The following FUT8 variants were observed in gnomAD, a reference collection of about 807,000 sequenced individuals.
FUT8 encodes the protein fucosyltransferase 8.
FUT8 carries 29 observed loss-of-function variants against 71.3 expected under a neutral mutation model. The ratio of observed to expected loss-of-function variants is 0.41; its 90% CI spans 0.30 to 0.55. The LOEUF is 0.55. Among genes scored for constraint, FUT8 ranks in the 20% least tolerant of loss-of-function variants. The pLI, the probability that FUT8 is intolerant of heterozygous loss-of-function variation, is 0.34. For synonymous variants in FUT8, 254 were observed against 239.3 expected (o/e 1.06, Z -0.57); for missense variants, 544 against 702.1 (o/e 0.77, Z 2.55).
the FUT8 span, among the ~76,000 whole-genome samples, chr14:65,397,504 G>T: frequency 3.3e-5 from 5 of 152,256 alleles, no homozygotes; most frequent in African/African-American, 7.2e-5. The surrounding 1 kb of genome is among the most constrained non-coding windows in gnomAD (Gnocchi z 4.2). Flanking sequence ...CCCCATGTCA[G>T]TGTGGGTTTT....
chr14:65,565,266 C>T (rs1886129350), intron 3 of FUT8, among the ~76,000 whole-genome samples: 1 of 151,970 alleles, frequency 6.6e-6, no homozygotes. Flanking sequence ...GATCTAGCTC[C>T]ATAACCCAAA....
intron 6 of FUT8, among the ~76,000 whole-genome samples, chr14:65,658,224 T>A (rs1437675652): frequency 1.3e-5 from 2 of 152,076 alleles, no homozygotes; most frequent in African/African-American, 4.8e-5. Context: ...AAAAAATCAT[T>A]AGTTATTAGG....
the FUT8 span, among the ~76,000 whole-genome samples, chr14:65,365,824 A>G: frequency 4.0e-5 from 6 of 151,844 alleles, no homozygotes; most frequent in African/African-American, 2.4e-5. Flanking sequence ...TAGCATTCTT[A>G]TATTCCTTTA....
intron 5 of FUT8, among the ~76,000 whole-genome samples, chr14:65,621,720 C>G (rs1263683365): frequency 2.0e-5 from 3 of 152,126 alleles, no homozygotes; most frequent in Non-Finnish European, 4.4e-5. Context: ...TGCCACTACA[C>G]CCAGCTAATT....
At chr14:65,471,380 A>G (rs527753030) in intron 2 of FUT8, among the ~76,000 whole-genome samples, 1 of 152,168 alleles carries the variant, frequency 6.6e-6, no homozygotes, top group East Asian at 1.9e-4. Context: ...TTTAAGAGAA[A>G]TAAAGTTCCT....
intron 7 of FUT8, among the ~76,000 whole-genome samples, chr14:65,705,089 T>G (rs528209334): frequency 6.6e-6 from 1 of 152,208 alleles, no homozygotes; most frequent in East Asian, 1.9e-4. Flanking sequence ...TTAGAACTTT[T>G]TATTCAATTG....
At chr14:65,432,514 G>C (rs774334306) in intron 1 of FUT8, among the ~76,000 whole-genome samples, 12 of 151,572 alleles carry the variant, frequency 7.9e-5, no homozygotes, top group Non-Finnish European at 5.9e-5. Flanking sequence ...CTGTGAACCA[G>C]AGCAATTGCA....
At chr14:65,631,428 AT>A (rs1293090764) in intron 6 of FUT8, among the ~76,000 whole-genome samples, 3 of 151,852 alleles carry the variant, frequency 2.0e-5, no homozygotes, top group African/African-American at 7.3e-5. Flanking sequence ...TGTAGTACTA[AT>A]TTGATCCTCT....
chr14:65,712,683 G>C (rs1894865249), intron 7 of FUT8, among the ~76,000 whole-genome samples: 1 of 152,214 alleles, frequency 6.6e-6, no homozygotes, highest in South Asian at 2.1e-4. Flanking sequence ...GACCTCAGGT[G>C]ATCCTCCTGC....
At chr14:65,553,378 C>G (rs1010009959) in intron 2 of FUT8, among the ~76,000 whole-genome samples, 28 of 152,000 alleles carry the variant, frequency 1.8e-4, no homozygotes, top group African/African-American at 6.3e-4. Flanking sequence ...TGTTTTACAT[C>G]TACATATATT....
chr14:65,486,412 A>T (rs1435768603), intron 2 of FUT8, among the ~76,000 whole-genome samples: 3 of 152,240 alleles, frequency 2.0e-5, no homozygotes, highest in African/African-American at 7.2e-5. Flanking sequence ...TTAACTGTAA[A>T]GCTTGGCATT....
chr14:65,607,504 C>G lies in FUT8; in HGVS notation c.204-8474C>G, dbSNP rs1044913281. The stretch of plus-strand genomic sequence containing the variant: ...TAATCAATTTAAATTAATAGTTTTT[C>G]TAATCGTAAACCAATGTAGTATTCT... On this transcript the variant is annotated intron_variant, in intron 3 of 10. Coordinates refer to ENST00000673929, the MANE Select transcript of FUT8 (RefSeq NM_001371533.1). The surrounding 1 kb of genome is among the most constrained non-coding windows in gnomAD (Gnocchi z 4.1). Among the ~76,000 whole-genome samples, 1 of 151,508 alleles carries G rather than the reference C, an allele frequency of 6.6e-6. No individual in the cohort carries two copies. The highest frequency in any genetic ancestry group is 1.5e-5 in the Non-Finnish European group (1 of 67,808).
In FUT8 at chr14:65,669,287, C is replaced by T; in HGVS notation, c.642C>T (p.Ile214=). The change falls in exon 7 of 11, where the codon ATC becomes ATT. Residue 214 remains isoleucine, a synonymous_variant. Coordinates refer to ENST00000673929, the MANE Select transcript of FUT8 (RefSeq NM_001371533.1). The surrounding 1 kb of genome is among the most constrained non-coding windows in gnomAD (Gnocchi z 4.5). ...CSKAKKLVCN[I]NKGCGYGCQL... ...AAGCCAAAAAGCTGGTGTGTAATAT[C>T]AACAAAGGCTGTGGCTATGGCTGTC... The T allele has an allele frequency of 2.5e-6, 4 of 1,613,818 alleles. No homozygotes were observed. The highest frequency in any genetic ancestry group is 2.5e-6 in the Non-Finnish European group (3 of 1,179,864).
At chr14:65,573,535 G>A (rs944041954) in intron 3 of FUT8, among the ~76,000 whole-genome samples, 5 of 151,950 alleles carry the variant, frequency 3.3e-5, no homozygotes, top group African/African-American at 7.3e-5. Flanking sequence ...AAAGCTTAGC[G>A]AAAGGCACTG....
At chr14:65,676,842 T>C (rs1480374218) in intron 7 of FUT8, among the ~76,000 whole-genome samples, 2 of 152,152 alleles carry the variant, frequency 1.3e-5, no homozygotes. Flanking sequence ...AACAAGATAA[T>C]TGTTGACATT....
At chr14:65,479,381 A>G (rs959695384) in intron 2 of FUT8, among the ~76,000 whole-genome samples, 1 of 152,162 alleles carries the variant, frequency 6.6e-6, no homozygotes, top group African/African-American at 2.4e-5. Context: ...GGTTGTACCA[A>G]TTTACACGGT....
At chr14:65,512,840 G>A (rs144108479) in intron 2 of FUT8, among the ~76,000 whole-genome samples, 4,111 of 150,202 alleles carry the variant, frequency 0.027, 196 homozygotes, top group African/African-American at 0.095. Context: ...CCTGTGAGGC[G>A]GAGGTTGCAG....
chr14:65,682,646 G>A (rs923967317), intron 7 of FUT8, among the ~76,000 whole-genome samples: 1 of 152,176 alleles, frequency 6.6e-6, no homozygotes, highest in Non-Finnish European at 1.5e-5. Context: ...CACACCCGGA[G>A]TACTTGGCAG....
chr14:65,425,493 A>G (rs1468212169), intron 1 of FUT8, among the ~76,000 whole-genome samples: 2 of 145,322 alleles, frequency 1.4e-5, no homozygotes, highest in Non-Finnish European at 3.0e-5. Flanking sequence ...TTTTTTAAAC[A>G]TGAAATGTTC....
Sources: allele counts gnomAD v4.1 joint callset (sites outside exome capture counted in the v4.1 genomes callset), GRCh38; gene constraint gnomAD v4.1.1; non-coding constraint Gnocchi (gnomAD v3.1); transcripts MANE v1.5; gene names NCBI Gene and HGNC (gene_info 2026-07-23, HGNC 2026-07-21).